The following WDR47 variants were observed in gnomAD, a reference collection of about 807,000 sequenced individuals.
WDR47 encodes WD repeat-containing protein 47.
Under a neutral mutation model 97.2 loss-of-function variants are expected in WDR47, and 32 were observed. That is an observed-to-expected ratio of 0.33 (90% CI 0.25 to 0.44). The LOEUF (loss-of-function observed/expected upper bound fraction) is 0.44. WDR47 is among the 20% of genes least tolerant of loss of function. The pLI is 1.00. For synonymous variants in WDR47, 375 were observed against 373.5 expected, an observed-to-expected ratio of 1.00 and a Z score of -0.05; for missense variants, 782 against 1,102.3, an observed-to-expected ratio of 0.71 and a Z score of 4.11.
chr1:109,033,779 C>T (rs778730575), intron 1 of WDR47, among the ~76,000 whole-genome samples: 6 of 152,152 alleles, frequency 3.9e-5, no homozygotes, highest in African/African-American at 1.4e-4. Flanking sequence ...ATTAGCTGGA[C>T]GTGATGGCAC....
At chr1:108,982,905 T>C in intron 11 of WDR47, 126 bp from the exon 12 acceptor site, 1 of 1,088,608 alleles carries the variant, frequency 9.2e-7, no homozygotes, top group Non-Finnish European at 1.3e-6. Flanking sequence ...TATTTTCATT[T>C]AGGGATTGGT....
chr1:109,039,418 C>T (rs532552502), intron 1 of WDR47, among the ~76,000 whole-genome samples: 1 of 152,082 alleles, frequency 6.6e-6, no homozygotes, highest in East Asian at 1.9e-4. Flanking sequence ...CCACCATGCC[C>T]AGTTAATTTT....
chr1:108,977,806 C>T (rs116178182), intron 13 of WDR47, among the ~76,000 whole-genome samples: 2,247 of 151,654 alleles, frequency 0.015, 32 homozygotes, highest in Non-Finnish European at 0.021. Context: ...CCAGCCTGGG[C>T]GACAAAGTAA....
chr1:109,022,866 G>C (rs1661946789), intron 2 of WDR47, among the ~76,000 whole-genome samples: 1 of 151,602 alleles, frequency 6.6e-6, no homozygotes, highest in African/African-American at 2.4e-5. Context: ...GATTACAGGC[G>C]TGAGCCACCA....
intron 5 of WDR47, among the ~76,000 whole-genome samples, chr1:109,006,461 G>T (rs1435391577): frequency 6.6e-6 from 1 of 152,154 alleles, no homozygotes; most frequent in African/African-American, 2.4e-5. Flanking sequence ...GCCACAGGAA[G>T]TCCCCTTTTA....
At chr1:109,002,876 C>G (rs372855555) in intron 6 of WDR47, among the ~76,000 whole-genome samples, 2 of 152,168 alleles carry the variant, frequency 1.3e-5, no homozygotes, top group African/African-American at 4.8e-5. Context: ...TGTTTACACA[C>G]TGCTGGAGGG....
chr1:108,981,379 C>A (rs1274873400), intron 13 of WDR47, among the ~76,000 whole-genome samples: 21 of 151,904 alleles, frequency 1.4e-4, no homozygotes, highest in Non-Finnish European at 2.8e-4. Flanking sequence ...GAAAGAGAGA[C>A]CAAGAAATAG....
At chr1:109,035,669 C>T (rs28602933) in intron 1 of WDR47, among the ~76,000 whole-genome samples, 17,292 of 151,478 alleles carry the variant, frequency 0.11, 1,159 homozygotes, top group African/African-American at 0.18. Flanking sequence ...AGCTATTTTG[C>T]ATTTTTAGTA....
At chr1:109,027,141 G>A (rs1018785413) in intron 1 of WDR47, among the ~76,000 whole-genome samples, 2 of 151,622 alleles carry the variant, frequency 1.3e-5, no homozygotes, top group Admixed American at 6.6e-5. Flanking sequence ...TGCAACCTCC[G>A]CCTCCCAGGT....
chr1:109,035,033 T>C (rs577298681), intron 1 of WDR47, among the ~76,000 whole-genome samples: 4 of 150,538 alleles, frequency 2.7e-5, no homozygotes, highest in Non-Finnish European at 4.4e-5. Context: ...GATCGGAGGA[T>C]AGCTTGAGCT....
intron 6 of WDR47, 83 bp downstream of exon 6, chr1:109,004,509 A>T: frequency 6.9e-7 from 1 of 1,444,564 alleles, no homozygotes; most frequent in South Asian, 1.5e-5. Flanking sequence ...AATATCAGAA[A>T]ATTCTTTTTA....
At chr1:109,014,912 T>A (rs772925777) in intron 3 of WDR47, among the ~76,000 whole-genome samples, 2 of 152,174 alleles carry the variant, frequency 1.3e-5, no homozygotes, top group Non-Finnish European at 2.9e-5. Flanking sequence ...ACTGTTGTAG[T>A]AGCAAATTGT....
chr1:109,028,681 G>A (rs1662399561), intron 1 of WDR47, among the ~76,000 whole-genome samples: 2 of 150,358 alleles, frequency 1.3e-5, no homozygotes, highest in African/African-American at 4.9e-5. Context: ...TTGATCTCCT[G>A]ATCTCGTCAT....
At chr1:109,008,267 A>G (rs2101929019) in intron 5 of WDR47, among the ~76,000 whole-genome samples, 1 of 151,084 alleles carries the variant, frequency 6.6e-6, no homozygotes, top group Non-Finnish European at 1.5e-5. Context: ...CATTTATCCT[A>G]TACTTCTTTT....
chr1:108,982,476 G>T, intron 12 of WDR47, 133 bp downstream of exon 12: 1 of 1,074,236 alleles, frequency 9.3e-7, no homozygotes, highest in Non-Finnish European at 1.3e-6. Flanking sequence ...AGGCCGCAGT[G>T]AGCTGTGATT....
At position 109,017,617 on chromosome 1, in the gene WDR47, A is replaced by T. The variant is rs551305586; in HGVS notation, c.159-16T>A. The T allele has an allele frequency of 7.8e-5, 125 of 1,597,566 alleles. No individual in the cohort carries two copies. The highest frequency in any genetic ancestry group is 1.8e-4 in the African/African-American group (13 of 73,778). On this transcript the variant is annotated splice_polypyrimidine_tract_variant and intron_variant, in intron 2 of 14. Transcript: ENST00000369962. ...TATTAGCTGCCTAAATAAAAAATTT[A>T]AAAAAACCAGCATGTCACCAAATTC...
intron 13 of WDR47, among the ~76,000 whole-genome samples, chr1:108,976,314 A>G (rs1040096122): frequency 1.3e-5 from 2 of 151,892 alleles, no homozygotes; most frequent in Non-Finnish European, 2.9e-5. Flanking sequence ...TGAGTCCCAG[A>G]TTTCAAATCT....
At position 109,031,825 on chromosome 1, in the gene WDR47, G is replaced by A; in HGVS notation, c.-9-8304C>T. Among the ~76,000 whole-genome samples, 2 of 121,304 alleles carry A rather than the reference G, an allele frequency of 1.6e-5. 1 individual carries two copies. The highest frequency in any genetic ancestry group is 3.5e-5 in the Non-Finnish European group (2 of 56,908). 79.6% of individuals were successfully genotyped at this position (121,304 alleles called of 152,430 possible). A position where few individuals can be genotyped will look rare whatever the true frequency, so the allele number is the denominator to read the frequency against. Reference sequence around the variant, plus strand: ...TTTTTTTTTTTTTTTTTTAAGACAGGGTCTTGCTCTCAACACCAGGCTGAA... The same window carrying A: ...TTTTTTTTTTTTTTTTTTAAGACAGAGTCTTGCTCTCAACACCAGGCTGAA... On this transcript the variant is annotated intron_variant, in intron 1 of 14. Coordinates refer to ENST00000369962, the MANE Select transcript of WDR47 (RefSeq NM_001142551.2).
intron 7 of WDR47, among the ~76,000 whole-genome samples, chr1:108,997,163 C>A (rs1409226404): frequency 6.6e-6 from 1 of 150,994 alleles, no homozygotes; most frequent in Non-Finnish European, 1.5e-5. Flanking sequence ...CGATGGCTCA[C>A]GCCTATAATC....
Sources: gnomAD v4.1 joint callset for allele counts (sites outside exome capture counted in the v4.1 genomes callset) on GRCh38, gnomAD v4.1.1 for gene constraint, MANE v1.5 for transcripts, NCBI Gene and HGNC (gene_info 2026-07-23, HGNC 2026-07-21) for gene names.